Variants in TOX2 observed in about 807,000 individuals in gnomAD.
TOX2 encodes granulosa cell HMG box 1.
TOX2 carries 15 observed loss-of-function variants against 47.4 expected under a neutral mutation model. That is an observed-to-expected ratio of 0.32 (90% CI 0.21 to 0.49). The LOEUF is 0.49. Ranked by LOEUF, TOX2 falls within the 20% of genes least tolerant of loss-of-function variation. TOX2 has a pLI of 0.99. For missense variants in TOX2, 622 were observed against 673.1 expected (o/e 0.92, Z 0.84); for synonymous variants, 290 against 296.6 (o/e 0.98, Z 0.23).
intron 3 of TOX2, among the ~76,000 whole-genome samples, chr20:44,018,854 G>C (rs913989956): frequency 2.6e-5 from 4 of 152,172 alleles, no homozygotes; most frequent in African/African-American, 9.7e-5. Flanking sequence ...CTATGGTGGT[G>C]GCAGCTGCTT....
chr20:44,035,743 G>A (rs2071228900), intron 3 of TOX2, among the ~76,000 whole-genome samples: 1 of 152,198 alleles, frequency 6.6e-6, no homozygotes, highest in African/African-American at 2.4e-5. Flanking sequence ...GCTGGGTAAT[G>A]GGGTAATATG....
chr20:43,988,217 C>T (rs982476758), intron 2 of TOX2, among the ~76,000 whole-genome samples: 9 of 152,024 alleles, frequency 5.9e-5, no homozygotes, highest in African/African-American at 1.7e-4. Flanking sequence ...CGCACCTGGC[C>T]GAAACATCAA....
chr20:44,013,826 C>T (rs1348551834), intron 3 of TOX2, among the ~76,000 whole-genome samples: 2 of 152,026 alleles, frequency 1.3e-5, no homozygotes, highest in Non-Finnish European at 1.5e-5. Context: ...TCTCATATCT[C>T]GTGATGAGAG....
chr20:43,951,560 A>G (rs1255350250), intron 1 of TOX2, among the ~76,000 whole-genome samples: 4 of 152,014 alleles, frequency 2.6e-5, no homozygotes, highest in Non-Finnish European at 5.9e-5. Context: ...CTGGGCAACA[A>G]GAATGAAACT....
At chr20:43,966,453 C>T (rs923536695) in intron 1 of TOX2, among the ~76,000 whole-genome samples, 6 of 151,902 alleles carry the variant, frequency 3.9e-5, no homozygotes, top group Admixed American at 6.6e-5. Flanking sequence ...CATGGTGGGA[C>T]GATGTGTAAG....
intron 3 of TOX2, among the ~76,000 whole-genome samples, chr20:44,034,294 C>T (rs2071204511): frequency 6.6e-6 from 1 of 152,100 alleles, no homozygotes; most frequent in Non-Finnish European, 1.5e-5. Flanking sequence ...GGAGGGGCTC[C>T]TTCTCTGGCA....
intron 1 of TOX2, among the ~76,000 whole-genome samples, chr20:43,920,837 G>A (rs1025988884): frequency 2.0e-5 from 3 of 152,218 alleles, no homozygotes; most frequent in Non-Finnish European, 2.9e-5. Context: ...TGTGGAGGGT[G>A]CACTGGGAGG....
At chr20:44,039,519 G>T (rs1259360671) in intron 3 of TOX2, among the ~76,000 whole-genome samples, 1 of 152,318 alleles carries the variant, frequency 6.6e-6, no homozygotes, top group African/African-American at 2.4e-5. Context: ...GAGCTGCATA[G>T]CTTGAGATAG....
rs149065048 is a variant in TOX2, at chr20:43,930,832, G to A, written c.99+15842G>A. ...GGGAAATCACCTGCTATGATCCCAC[G>A]GTGCAGATTCAAGGGCAGTGTTTGA... On this transcript the variant is annotated intron_variant, in intron 1 of 8. Transcript: ENST00000341197. 4.5e-3 allele frequency among the ~76,000 whole-genome samples: 686 copies of A among 152,262 alleles called. 4 individuals carry two copies. Among genetic ancestry groups the A allele is most frequent in the South Asian group, 0.013 (65 of 4,822 alleles).
intron 1 of TOX2, among the ~76,000 whole-genome samples, chr20:43,922,110 T>A (rs2069118897): frequency 6.6e-6 from 1 of 152,180 alleles, no homozygotes; most frequent in South Asian, 2.1e-4. Flanking sequence ...AGTTTTCTTA[T>A]CTGTACAAGG....
At chr20:44,043,911 G>A (rs1193648297) in intron 3 of TOX2, among the ~76,000 whole-genome samples, 1 of 152,174 alleles carries the variant, frequency 6.6e-6, no homozygotes, top group Non-Finnish European at 1.5e-5. Context: ...AATGGACCCA[G>A]CCATCCCATT....
At chr20:44,015,645 G>A (rs1057159249) in intron 3 of TOX2, among the ~76,000 whole-genome samples, 9 of 152,210 alleles carry the variant, frequency 5.9e-5, no homozygotes, top group Admixed American at 3.9e-4. Context: ...ATCTCAGGGG[G>A]AAATGGCCTT....
chr20:44,011,401 A>G (rs2070776304), intron 3 of TOX2, among the ~76,000 whole-genome samples: 1 of 152,154 alleles, frequency 6.6e-6, no homozygotes. Flanking sequence ...TATTTCTAAG[A>G]CTGTGGTAAA....
intron 1 of TOX2, among the ~76,000 whole-genome samples, chr20:43,937,793 C>T (rs960758325): frequency 7.2e-5 from 11 of 152,184 alleles, no homozygotes; most frequent in Non-Finnish European, 1.5e-4. Flanking sequence ...CCTTTGATGT[C>T]CCTGGAGCCT....
chr20:43,920,959 A>AGAT (rs1441231109), intron 1 of TOX2, among the ~76,000 whole-genome samples: 1 of 152,166 alleles, frequency 6.6e-6, no homozygotes, highest in African/African-American at 2.4e-5. Context: ...CCTGACACAT[A>AGAT]GATGCTCAGC....
At chr20:44,065,494 G>A (rs2071796928) in intron 6 of TOX2, among the ~76,000 whole-genome samples, 1 of 152,198 alleles carries the variant, frequency 6.6e-6, no homozygotes, top group South Asian at 2.1e-4. Context: ...ATTCCCCCAA[G>A]GGCAGGGGAG....
intron 2 of TOX2, among the ~76,000 whole-genome samples, chr20:43,991,265 G>A (rs564087888): frequency 2.1e-5 from 3 of 145,504 alleles, no homozygotes; most frequent in Non-Finnish European, 4.5e-5. Context: ...GCTGAACAGC[G>A]TCACTGAGCG....
chr20:44,051,612 A>G (rs1440401424), intron 4 of TOX2, 67 bp downstream of exon 4: 1 of 1,515,372 alleles, frequency 6.6e-7, no homozygotes, highest in African/African-American at 1.4e-5. Flanking sequence ...TCCTGTGGGG[A>G]AATGGGCATC....
chr20:43,968,526 G>T (rs1021725291), intron 1 of TOX2, among the ~76,000 whole-genome samples: 2 of 152,196 alleles, frequency 1.3e-5, no homozygotes, highest in African/African-American at 4.8e-5. Flanking sequence ...GGAAAGGAGA[G>T]GTAGGGGAGA....
Sources: allele counts gnomAD v4.1 joint callset (sites outside exome capture counted in the v4.1 genomes callset), GRCh38; gene constraint gnomAD v4.1.1; transcripts MANE v1.5; gene names NCBI Gene and HGNC (gene_info 2026-07-23, HGNC 2026-07-21).